The following SLC8A1 variants were observed in gnomAD, a reference collection of about 807,000 sequenced individuals.
The protein encoded by SLC8A1 is solute carrier family 8 member A1, also known as sodium/calcium exchanger 1.
In SLC8A1, 18 loss-of-function variants were observed where a neutral mutation model predicts 68.3. The observed-to-expected ratio is 0.26, with a 90% CI of 0.18 to 0.39. The LOEUF (loss-of-function observed/expected upper bound fraction) is 0.39. Ranked by LOEUF, SLC8A1 falls within the 10% of genes least tolerant of loss-of-function variation. SLC8A1 has a pLI of 1.00. For synonymous variants in SLC8A1, 475 were observed against 415.5 expected (o/e 1.14, Z -1.74); for missense variants, 985 against 1,156.7 (o/e 0.85, Z 2.15).
chr2:40,379,014 C>A (rs923411121), intron 2 of SLC8A1, among the ~76,000 whole-genome samples: 1 of 152,126 alleles, frequency 6.6e-6, no homozygotes. Context: ...ATGTTCACCC[C>A]ATGAGGGCAG....
intron 2 of SLC8A1, among the ~76,000 whole-genome samples, chr2:40,244,438 G>C (rs1021825469): frequency 2.0e-5 from 3 of 151,918 alleles, no homozygotes; most frequent in Non-Finnish European, 4.4e-5. Flanking sequence ...GACTTTTCCT[G>C]TATAATGTCA....
At chr2:40,199,390 T>A (rs2053706034) in intron 2 of SLC8A1, among the ~76,000 whole-genome samples, 1 of 151,658 alleles carries the variant, frequency 6.6e-6, no homozygotes, top group Non-Finnish European at 1.5e-5. Flanking sequence ...ATACTCTTAT[T>A]CCATCATAAT....
At chr2:40,107,470 C>T (rs1443245630) in exon 8 of SLC8A1, 1 of 151,610 alleles carries the variant, frequency 6.6e-6, no homozygotes, top group African/African-American at 2.4e-5. Context: ...AATTAAAAGT[C>T]AGAAAGAAAC....
At chr2:40,271,251 C>A (rs1011419835) in intron 2 of SLC8A1, among the ~76,000 whole-genome samples, 1 of 151,918 alleles carries the variant, frequency 6.6e-6, no homozygotes, top group Non-Finnish European at 1.5e-5. Context: ...CCTCTCCCAC[C>A]TCCCCTCCCA....
At chr2:40,165,043 G>C (rs558261736) in intron 4 of SLC8A1, 59 bp from the exon 8 acceptor site, 2 of 1,603,510 alleles carry the variant, frequency 1.2e-6, no homozygotes, top group South Asian at 2.2e-5. Flanking sequence ...GGAAATCCCT[G>C]GATCCTGCCA....
At chr2:40,428,714 A>T in exon 2 of SLC8A1, 1 of 1,613,794 alleles carries the variant, frequency 6.2e-7, no homozygotes, top group Non-Finnish European at 8.5e-7. Flanking sequence ...GTGGAGGGAG[A>T]TCCGAGGCAA....
At chr2:40,340,710 T>A (rs1280234063) in intron 2 of SLC8A1, among the ~76,000 whole-genome samples, 7 of 152,292 alleles carry the variant, frequency 4.6e-5, no homozygotes, top group African/African-American at 1.7e-4. Flanking sequence ...TTTCAGAGTT[T>A]AATTCTTGAG....
At chr2:40,350,654 T>C (rs1670797557) in intron 2 of SLC8A1, among the ~76,000 whole-genome samples, 1 of 145,170 alleles carries the variant, frequency 6.9e-6, no homozygotes, top group Non-Finnish European at 1.5e-5. Flanking sequence ...TATTACTCTA[T>C]GTGTAAATTT....
chr2:40,279,038 C>G (rs1053055983), intron 2 of SLC8A1, among the ~76,000 whole-genome samples: 1 of 151,994 alleles, frequency 6.6e-6, no homozygotes, highest in African/African-American at 2.4e-5. Context: ...TTTACAAGGC[C>G]AAAACCCTGA....
chr2:40,198,831 A>G (rs777821880), intron 2 of SLC8A1, among the ~76,000 whole-genome samples: 1 of 151,636 alleles, frequency 6.6e-6, no homozygotes, highest in Non-Finnish European at 1.5e-5. Flanking sequence ...CATTAACTCA[A>G]TTGTCAGACC....
chr2:40,154,820 A>C (rs1349161447), intron 6 of SLC8A1, among the ~76,000 whole-genome samples: 3 of 151,338 alleles, frequency 2.0e-5, no homozygotes, highest in Non-Finnish European at 4.4e-5. Context: ...ATGCACTATC[A>C]CACCCGGCTA....
intron 4 of SLC8A1, among the ~76,000 whole-genome samples, chr2:40,166,819 AC>A (rs2046624774): frequency 6.6e-6 from 1 of 152,226 alleles, no homozygotes; most frequent in Non-Finnish European, 1.5e-5. Flanking sequence ...TTTGTTTGAA[AC>A]TTTGGCTGAA....
chr2:40,368,698 A>G (rs1677041721), intron 2 of SLC8A1, among the ~76,000 whole-genome samples: 1 of 152,016 alleles, frequency 6.6e-6, no homozygotes, highest in African/African-American at 2.4e-5. Context: ...ACCCAGGTTA[A>G]GCCTAGTACC....
intron 2 of SLC8A1, among the ~76,000 whole-genome samples, chr2:40,358,825 G>T (rs1311552334): frequency 6.6e-6 from 1 of 152,168 alleles, no homozygotes; most frequent in African/African-American, 2.4e-5. Context: ...AATTTACAAT[G>T]ACACACTGAA....
At chr2:40,216,364 A>G (rs2057484250) in intron 2 of SLC8A1, among the ~76,000 whole-genome samples, 1 of 152,196 alleles carries the variant, frequency 6.6e-6, no homozygotes, top group South Asian at 2.1e-4. Flanking sequence ...AGAGTATTCC[A>G]TGGTGTATAT....
At position 40,168,638 on chromosome 2, in the gene SLC8A1, CA is replaced by C. The variant is rs1250841613; in HGVS notation, c.1931-3655del. Among the ~76,000 whole-genome samples the C allele has an allele frequency of 9.2e-5, 14 of 152,248 alleles. No homozygotes were observed. The Middle Eastern group carries it at 0.017, about 185-fold the overall frequency. ...TCTGTTGAATACGGAAATGGTTTAA[CA>C]GCATTTTTAAAATTTTAATCATCTA... On this transcript the variant is annotated intron_variant, in intron 4 of 7. Coordinates refer to ENST00000406785, the Ensembl canonical transcript of SLC8A1.
Position 40,357,084 on chromosome 2 carries a change from G to A in SLC8A1, c.1808+71389C>T, listed in dbSNP as rs1161585119. ...CTTTTACGAATGTAGATATAGTAGG[G>A]TAGGAGGCACATGAAAGAGAGTTCC... On this transcript the variant is annotated intron_variant, in intron 2 of 7. Coordinates refer to ENST00000406785, the Ensembl canonical transcript of SLC8A1. Among the ~76,000 whole-genome samples the A allele has an allele frequency of 2.6e-5, 4 of 152,208 alleles. No individual in the cohort carries two copies. In the East Asian group the frequency reaches 5.8e-4, roughly 22 times the overall value.
intron 2 of SLC8A1, among the ~76,000 whole-genome samples, chr2:40,424,687 A>G (rs779887562): frequency 2.0e-5 from 3 of 151,842 alleles, no homozygotes; most frequent in Non-Finnish European, 3.0e-5. Flanking sequence ...TGGTAAGCTG[A>G]TATTCTAAGG....
chr2:40,376,556 T>C (rs745319475), intron 2 of SLC8A1, among the ~76,000 whole-genome samples: 1 of 150,602 alleles, frequency 6.6e-6, no homozygotes, highest in Non-Finnish European at 1.5e-5. Context: ...TCAGTCAAGT[T>C]CAAAAGTGGC....
Sources: gnomAD v4.1 joint callset for allele counts (sites outside exome capture counted in the v4.1 genomes callset) on GRCh38, gnomAD v4.1.1 for gene constraint, MANE v1.5 for transcripts, NCBI Gene and HGNC (gene_info 2026-07-23, HGNC 2026-07-21) for gene names.